Variants in TBC1D9B observed in about 807,000 individuals in gnomAD.
The protein encoded by TBC1D9B is TBC1 domain family member 9B.
Under a neutral mutation model 121.1 loss-of-function variants are expected in TBC1D9B, and 87 were observed. That is an observed-to-expected ratio of 0.72 (90% CI 0.60 to 0.86). The LOEUF (loss-of-function observed/expected upper bound fraction) is 0.86. TBC1D9B is among the 40% of genes least tolerant of loss of function. TBC1D9B has a pLI of 0.00. For missense variants in TBC1D9B, 1,540 were observed against 1,628.6 expected, an observed-to-expected ratio of 0.95 and a Z score of 0.94; for synonymous variants, 668 against 670.1, an observed-to-expected ratio of 1.00 and a Z score of 0.05.
chr5:179,889,758 C>T (rs1760805999), intron 6 of TBC1D9B, among the ~76,000 whole-genome samples: 1 of 151,370 alleles, frequency 6.6e-6, no homozygotes, highest in African/African-American at 2.4e-5. Flanking sequence ...TCTGCTGTCC[C>T]AGCTACTCGG....
At chr5:179,867,901 C>T (rs1409173435) in intron 17 of TBC1D9B, 52 bp from the exon 18 acceptor site, 2 of 1,485,706 alleles carry the variant, frequency 1.3e-6, no homozygotes. Context: ...AGGAGATCCT[C>T]TCAGAGTAAG....
chr5:179,883,533 GTTT>G (rs1007086467), intron 7 of TBC1D9B, among the ~76,000 whole-genome samples: 2 of 148,308 alleles, frequency 1.3e-5, no homozygotes, highest in African/African-American at 4.9e-5. Flanking sequence ...GAAATATCTG[GTTT>G]TTTTTTTCTT....
At chr5:179,864,422 G>A (rs1469781199) in intron 20 of TBC1D9B, among the ~76,000 whole-genome samples, 1 of 152,176 alleles carries the variant, frequency 6.6e-6, no homozygotes, top group East Asian at 1.9e-4. Context: ...CAGGGAGATG[G>A]ATTTCTACCA....
chr5:179,894,581 G>A lies in TBC1D9B; in HGVS notation c.382C>T (p.Pro128Ser). 1.2e-6 allele frequency: 2 copies of A among 1,614,188 alleles called. No individual in the cohort carries two copies. Among genetic ancestry groups the A allele is most frequent in the South Asian group, 2.2e-5 (2 of 91,092 alleles). Residue 128 changes from proline (P) to serine (S), a missense_variant, in exon 4 of 21, where the codon CCC becomes TCC. By Grantham distance (74) the Pro-to-Ser change is moderately conservative. Transcript: ENST00000355235. ...TTCCCGGGGTCCTCGTCTCCCTGGG[G>A]CTGCAGGTTCTTGTTCTCTTCTGCG... ...IIAEENKNLQ[P>S]QGDEDPGKFK...
In TBC1D9B at chr5:179,865,483, CTGGCGTTTGGGAAGGTGGTCA is replaced by C. The variant is rs1442859705; in HGVS notation, c.2915-144_2915-124del. ...TACCAGGGCCCTATCATAAAACACCCTGGCGTTTGGGAAGGTGGTCATGGGAAAAAAACCCAGAACAGCCAC... is the reference window on the plus strand; with the variant it reads ...TACCAGGGCCCTATCATAAAACACCCTGGGAAAAAAACCCAGAACAGCCAC... On this transcript the variant is annotated intron_variant, in intron 19 of 20. Coordinates refer to ENST00000355235, the MANE Select transcript of TBC1D9B (RefSeq NM_015043.4). The surrounding 1 kb of genome is among the most constrained non-coding windows in gnomAD (Gnocchi z 5.1). The C allele has an allele frequency of 4.3e-6, 4 of 920,270 alleles. No individual in the cohort carries two copies. Among genetic ancestry groups the C allele is most frequent in the Non-Finnish European group, 6.8e-6 (4 of 586,150 alleles). 57.0% of individuals were successfully genotyped at this position (920,270 alleles called of 1,614,324 possible).
Position 179,863,410 on chromosome 5 carries a change from C to T in TBC1D9B, c.*38G>A. 1.9e-6 allele frequency: 3 copies of T among 1,593,160 alleles called. No individual in the cohort carries two copies. The highest frequency in any genetic ancestry group is 4.5e-5 in the East Asian group (2 of 44,732). ...GCAGGAGGAGATGAGGCCAGCCCCA[C>T]TGATGACACCTTGGGCCAGGCCTCA... On this transcript the variant is annotated 3_prime_UTR_variant, in exon 21 of 21. Coordinates refer to ENST00000355235, the MANE Select transcript of TBC1D9B (RefSeq NM_015043.4). This position sits in a 1 kb window ranked among gnomAD's most constrained non-coding sequence, Gnocchi z 4.5.
intron 18 of TBC1D9B, chr5:179,867,180 A>G: frequency 4.8e-6 from 2 of 418,536 alleles, no homozygotes; most frequent in Non-Finnish European, 8.8e-6. Flanking sequence ...ACTCACAGGA[A>G]GACAGAATGT....
At position 179,865,438 on chromosome 5, in the gene TBC1D9B, G is replaced by C; in HGVS notation, c.2915-78C>G. On this transcript the variant is annotated intron_variant, in intron 19 of 20. Coordinates refer to ENST00000355235, the MANE Select transcript of TBC1D9B (RefSeq NM_015043.4). This position sits in a 1 kb window ranked among gnomAD's most constrained non-coding sequence, Gnocchi z 5.1. ...CTGACAGCAGGGAGAGGAAGAGTTG[G>C]GTGTTTTCTGGCATGGAGTTACCAG... The C allele has an allele frequency of 7.3e-7, 1 of 1,364,776 alleles. No individual in the cohort carries two copies. The highest frequency in any genetic ancestry group is 1.4e-5 in the African/African-American group (1 of 69,818). 84.5% of individuals were successfully genotyped at this position (1,364,776 alleles called of 1,614,324 possible). A position where few individuals can be genotyped will look rare whatever the true frequency, so the allele number is the denominator to read the frequency against.
Position 179,894,415 on chromosome 5 carries a change from C to T in TBC1D9B, c.548G>A (p.Cys183Tyr), listed in dbSNP as rs753909737. 1 of 1,613,862 alleles carries T rather than the reference C, an allele frequency of 6.2e-7. No homozygotes were observed. Among genetic ancestry groups the T allele is most frequent in the East Asian group, 2.2e-5 (1 of 44,870 alleles). The change falls in exon 4 of 21, where the codon TGC becomes TAC. Residue 183 changes from cysteine to tyrosine, a missense_variant. Coordinates refer to ENST00000355235, the MANE Select transcript of TBC1D9B (RefSeq NM_015043.4). ...CTTCCCCAGCAGGAAGGAGTAGAAG[C>T]ACAGGTGGTTGACCGTCAGGTACAG... ...GWLYLTVNHLCFYSFLLGKEV... is the reference protein window; with the variant it reads ...GWLYLTVNHLYFYSFLLGKEV...
In TBC1D9B at chr5:179,873,007, C is replaced by T. The variant is rs1272416956; in HGVS notation, c.2317-17G>A. The T allele has an allele frequency of 6.2e-7, 1 of 1,613,966 alleles. No homozygotes were observed. The highest frequency in any genetic ancestry group is 8.5e-7 in the Non-Finnish European group (1 of 1,180,010). On this transcript the variant is annotated splice_polypyrimidine_tract_variant and intron_variant, in intron 13 of 20. Transcript: ENST00000355235. ...GCTGAATTTCTATAGGGAGAGGTGA[C>T]TTGGTGAGATCAAGCCAACTGCAGG... is the stretch of plus-strand genomic sequence containing the variant.
Position 179,863,634 on chromosome 5 carries a change from G to A in TBC1D9B, c.3516C>T (p.Gly1172=), listed in dbSNP as rs557486304. Residue 1172 remains glycine (G), a synonymous_variant, in exon 21 of 21, where the codon GGC becomes GGT. Coordinates refer to ENST00000355235, the MANE Select transcript of TBC1D9B (RefSeq NM_015043.4). The surrounding 1 kb of genome is among the most constrained non-coding windows in gnomAD (Gnocchi z 4.5). ...GEACSPTARI[G]GTVDTDWCIS... is the part of the protein sequence containing the mutation. ...TGCACCAGTCGGTGTCGACGGTGCC[G>A]CCGATGCGCGCTGTGGGGCTGCAGG... The A allele has an allele frequency of 3.2e-5, 51 of 1,613,812 alleles. No individual in the cohort carries two copies. Among genetic ancestry groups the A allele is most frequent in the African/African-American group, 3.1e-4 (23 of 75,050 alleles).
chr5:179,865,024 C>G lies in TBC1D9B; in HGVS notation c.3021+230G>C, dbSNP rs572976133. Among the ~76,000 whole-genome samples the G allele has an allele frequency of 6.6e-6, 1 of 152,336 alleles. No homozygotes were observed. Among genetic ancestry groups the G allele is most frequent in the East Asian group, 1.9e-4 (1 of 5,184 alleles). Reference sequence around the variant, plus strand: ...CTACAAGCCTCTGGCTCCTGGTTCACAGACACTCACTCAATCTGGAAACAT... The same window carrying G: ...CTACAAGCCTCTGGCTCCTGGTTCAGAGACACTCACTCAATCTGGAAACAT... On this transcript the variant is annotated intron_variant, in intron 20 of 20. Coordinates refer to ENST00000355235, the MANE Select transcript of TBC1D9B (RefSeq NM_015043.4). The surrounding 1 kb of genome is among the most constrained non-coding windows in gnomAD (Gnocchi z 5.1).
Position 179,894,441 on chromosome 5 carries a change from C to T in TBC1D9B, c.522G>A (p.Trp174Ter). Reference protein sequence around the residue: ...YWKGRVPRQGWLYLTVNHLCF... With the variant: ...YWKGRVPRQG ...ACAGGTGGTTGACCGTCAGGTACAG[C>T]CAGCCCTGCCGGGGCACGCGGCCCT... The change falls in exon 4 of 21, where the codon TGG (tryptophan) becomes TGA (stop). Residue 174 changes from tryptophan (W) to a stop codon, truncating the protein, a stop_gained. Coordinates refer to ENST00000355235, the MANE Select transcript of TBC1D9B (RefSeq NM_015043.4). LOFTEE classifies it high-confidence loss of function. The T allele has an allele frequency of 6.2e-7, 1 of 1,614,054 alleles. No individual in the cohort carries two copies. Among genetic ancestry groups the T allele is most frequent in the Non-Finnish European group, 8.5e-7 (1 of 1,179,974 alleles).
chr5:179,899,530 T>C (rs945396996), intron 2 of TBC1D9B, among the ~76,000 whole-genome samples: 1 of 152,176 alleles, frequency 6.6e-6, no homozygotes, highest in African/African-American at 2.4e-5. Flanking sequence ...TGAATCACAG[T>C]CGTGTGGGAG....
rs747139038 is a variant in TBC1D9B, at chr5:179,865,374, G to A, written c.2915-14C>T. On this transcript the variant is annotated splice_polypyrimidine_tract_variant and intron_variant, in intron 19 of 20. Coordinates refer to ENST00000355235, the MANE Select transcript of TBC1D9B (RefSeq NM_015043.4). This position sits in a 1 kb window ranked among gnomAD's most constrained non-coding sequence, Gnocchi z 5.1. ...TCCCCTTCTCCTCTGCAGGTTAGGA[G>A]GAAAGAGATTAATCTTTGTCATGTG... The A allele has an allele frequency of 3.7e-6, 6 of 1,612,436 alleles. No individual in the cohort carries two copies. The highest frequency in any genetic ancestry group is 1.7e-4 in the Middle Eastern group (1 of 6,046).
chr5:179,882,918 C>T (rs1013566434), intron 7 of TBC1D9B, among the ~76,000 whole-genome samples: 4 of 152,176 alleles, frequency 2.6e-5, no homozygotes, highest in Non-Finnish European at 4.4e-5. Context: ...CTCTCAGGAT[C>T]GTGGCCCATT....
In TBC1D9B at chr5:179,904,285, C is replaced by T. The variant is rs367729; in HGVS notation, c.229+417G>A. ...TGTCGCCCAGGCTGGAGTGCAGTGG[C>T]GCGATCTCGGCTCACTGCAAGCTCC... On this transcript the variant is annotated intron_variant, in intron 2 of 20. Transcript: ENST00000355235. This position sits in a 1 kb window ranked among gnomAD's most constrained non-coding sequence, Gnocchi z 4.2. Among the ~76,000 whole-genome samples, 44 of 139,768 alleles carry T rather than the reference C, an allele frequency of 3.1e-4. 1 individual carries two copies. The highest frequency in any genetic ancestry group is 5.4e-4 in the Non-Finnish European group (36 of 66,610). The allele number at this position is 139,768 out of a possible 152,430, so 91.7% of individuals were successfully genotyped here.
At chr5:179,879,843 C>T in intron 7 of TBC1D9B, 54 bp from the exon 8 acceptor site, 1 of 1,525,640 alleles carries the variant, frequency 6.6e-7, no homozygotes, top group Non-Finnish European at 8.8e-7. Flanking sequence ...GCCAGGTGGC[C>T]TCTGATGCGC....
intron 7 of TBC1D9B, chr5:179,887,685 T>C (rs138261620): frequency 2.0e-4 from 42 of 205,074 alleles, no homozygotes; most frequent in African/African-American, 9.5e-4. Context: ...TATTAAGGAA[T>C]TCTTGTTAAG....
Sources: allele counts gnomAD v4.1 joint callset (sites outside exome capture counted in the v4.1 genomes callset), GRCh38; gene constraint gnomAD v4.1.1; non-coding constraint Gnocchi (gnomAD v3.1); transcripts MANE v1.5; gene names NCBI Gene and HGNC (gene_info 2026-07-23, HGNC 2026-07-21).